The following PTPRM variants were observed in gnomAD, a reference collection of about 807,000 sequenced individuals.
PTPRM encodes the protein protein tyrosine phosphatase receptor type M.
A neutral mutation model predicts 186.7 loss-of-function variants in PTPRM; 47 were observed. The observed-to-expected ratio is 0.25, with a 90% CI of 0.20 to 0.32. The LOEUF (loss-of-function observed/expected upper bound fraction) is 0.32. PTPRM is among the 10% of genes least tolerant of loss of function. The pLI is 1.00. For synonymous variants in PTPRM, 668 were observed against 674.9 expected, an observed-to-expected ratio of 0.99 and a Z score of 0.16; for missense variants, 1,494 against 1,865.0, an observed-to-expected ratio of 0.80 and a Z score of 3.66.
chr18:8,175,967 G>GACTATT, intron 14 of PTPRM, among the ~76,000 whole-genome samples: 1 of 152,120 alleles, frequency 6.6e-6, no homozygotes, highest in African/African-American at 2.4e-5. Context: ...GAACAAGCAT[G>GACTATT]TGCTCTTCTT....
At chr18:8,053,535 A>G (rs1302438796) in intron 7 of PTPRM, among the ~76,000 whole-genome samples, 3 of 152,176 alleles carry the variant, frequency 2.0e-5, no homozygotes, top group East Asian at 1.9e-4. Context: ...TCTTTCAGCA[A>G]CACCACACTG....
chr18:7,841,281 CTTTTTTTTTTTT>C (rs34688860), intron 2 of PTPRM, among the ~76,000 whole-genome samples: 4 of 70,222 alleles, frequency 5.7e-5, no homozygotes, highest in East Asian at 4.2e-4. Context: ...CAAATCATTT[CTTTTTTTTTTTT>C]TTTTTTTTTT....
At chr18:7,782,087 T>A (rs1446507687) in intron 2 of PTPRM, among the ~76,000 whole-genome samples, 1 of 152,174 alleles carries the variant, frequency 6.6e-6, no homozygotes. Context: ...GTTTCAAAAT[T>A]ACAAAATTTA....
chr18:8,036,462 C>T (rs549474716), intron 7 of PTPRM, among the ~76,000 whole-genome samples: 1 of 152,286 alleles, frequency 6.6e-6, no homozygotes, highest in South Asian at 2.1e-4. Context: ...TCTTTTTCTA[C>T]TCAGTTTCTC....
chr18:7,646,943 A>C (rs2038579536), intron 1 of PTPRM, among the ~76,000 whole-genome samples: 1 of 152,008 alleles, frequency 6.6e-6, no homozygotes, highest in South Asian at 2.1e-4. Flanking sequence ...GGAGGGGAGA[A>C]TGGCACGGAC....
intron 14 of PTPRM, among the ~76,000 whole-genome samples, chr18:8,196,861 T>C (rs1032859788): frequency 8.5e-5 from 13 of 152,192 alleles, no homozygotes; most frequent in Non-Finnish European, 1.5e-5. Context: ...AAATTCAAAA[T>C]TGCCTAAAGT....
chr18:8,387,956 A>G (rs1429591807), intron 31 of PTPRM, among the ~76,000 whole-genome samples: 2 of 151,808 alleles, frequency 1.3e-5, no homozygotes, highest in Non-Finnish European at 2.9e-5. Context: ...AAAAAAAAAA[A>G]AAGCCCACAC....
intron 1 of PTPRM, among the ~76,000 whole-genome samples, chr18:7,685,996 G>GA (rs138656351): frequency 0.012 from 1,760 of 152,278 alleles, 32 homozygotes; most frequent in African/African-American, 0.041. Flanking sequence ...TGGCAGGCCA[G>GA]AAAACTGGGC....
chr18:8,313,651 T>C (rs2095286165), intron 20 of PTPRM, among the ~76,000 whole-genome samples: 2 of 151,706 alleles, frequency 1.3e-5, no homozygotes, highest in African/African-American at 2.4e-5. Flanking sequence ...CATGAATGAG[T>C]TCTTTAGTGG....
chr18:7,731,946 G>T (rs537815005), intron 1 of PTPRM, among the ~76,000 whole-genome samples: 23 of 152,284 alleles, frequency 1.5e-4, no homozygotes, highest in South Asian at 1.2e-3. Flanking sequence ...TTGTACATCT[G>T]CAGAAGCAAG....
intron 4 of PTPRM, among the ~76,000 whole-genome samples, chr18:7,909,268 C>T (rs948929501): frequency 2.0e-5 from 3 of 152,194 alleles, no homozygotes; most frequent in African/African-American, 7.2e-5. Context: ...TAGGAGAGAG[C>T]TTTCTGTAGC....
intron 2 of PTPRM, among the ~76,000 whole-genome samples, chr18:7,884,540 G>A (rs1279540543): frequency 6.6e-6 from 1 of 152,146 alleles, no homozygotes; most frequent in East Asian, 1.9e-4. Context: ...GCCAGAGGAA[G>A]ACTGTGCATA....
chr18:7,719,552 T>A (rs1376920473), intron 1 of PTPRM, among the ~76,000 whole-genome samples: 1 of 151,748 alleles, frequency 6.6e-6, no homozygotes, highest in African/African-American at 2.4e-5. Context: ...ACAAAAAAAA[T>A]AAAAAATAAA....
At chr18:8,289,523 T>TATAC (rs1555845547) in intron 19 of PTPRM, among the ~76,000 whole-genome samples, 1 of 105,940 alleles carries the variant, frequency 9.4e-6, no homozygotes, top group African/African-American at 4.0e-5. Flanking sequence ...TGTATATATA[T>TATAC]ACATATATAT....
intron 1 of PTPRM, among the ~76,000 whole-genome samples, chr18:7,736,185 A>G (rs2040767856): frequency 6.6e-6 from 1 of 152,216 alleles, no homozygotes; most frequent in South Asian, 2.1e-4. Context: ...CTGAGAGACA[A>G]GTGACCTTAG....
intron 17 of PTPRM, among the ~76,000 whole-genome samples, chr18:8,249,192 A>G (rs959043786): frequency 6.6e-6 from 1 of 152,060 alleles, no homozygotes; most frequent in African/African-American, 2.4e-5. Flanking sequence ...TCTTTCCAAC[A>G]TGATTTTTCC....
At chr18:7,828,132 A>C (rs1449128735) in intron 2 of PTPRM, among the ~76,000 whole-genome samples, 2 of 152,272 alleles carry the variant, frequency 1.3e-5, no homozygotes, top group Admixed American at 1.3e-4. Flanking sequence ...TCTCATAATT[A>C]GTAAAGTCAA....
intron 7 of PTPRM, among the ~76,000 whole-genome samples, chr18:8,040,405 T>G (rs1241247160): frequency 6.6e-6 from 1 of 152,092 alleles, no homozygotes; most frequent in African/African-American, 2.4e-5. Context: ...ATGGTATGGG[T>G]GCAATTATTA....
At chr18:7,595,528 T>C (rs927528485) in intron 1 of PTPRM, among the ~76,000 whole-genome samples, 2 of 152,318 alleles carry the variant, frequency 1.3e-5, no homozygotes, top group African/African-American at 4.8e-5. Context: ...TGAAGGTTGT[T>C]TGGTAACATT....
Sources: allele counts gnomAD v4.1 joint callset (sites outside exome capture counted in the v4.1 genomes callset), GRCh38; gene constraint gnomAD v4.1.1; transcripts MANE v1.5; gene names NCBI Gene and HGNC (gene_info 2026-07-23, HGNC 2026-07-21).